The following GTF2F2 variants were observed in gnomAD, a reference collection of about 807,000 sequenced individuals.
The protein encoded by GTF2F2 is ATP-dependent helicase GTF2F2.
Under a neutral mutation model 42.2 loss-of-function variants are expected in GTF2F2, and 23 were observed. That is an observed-to-expected ratio of 0.55 (90% confidence interval 0.39 to 0.77). GTF2F2 has a LOEUF of 0.77. Among genes scored for constraint, GTF2F2 ranks in the 30% least tolerant of loss-of-function variants. GTF2F2 has a pLI of 0.00. For synonymous variants in GTF2F2, 105 were observed against 100.8 expected, an observed-to-expected ratio of 1.04 and a Z score of -0.25; for missense variants, 261 against 287.2, an observed-to-expected ratio of 0.91 and a Z score of 0.66.
intron 1 of GTF2F2, among the ~76,000 whole-genome samples, chr13:45,129,357 A>G (rs754268286): frequency 2.6e-4 from 39 of 152,050 alleles, no homozygotes; most frequent in Non-Finnish European, 5.1e-4. Context: ...CTACAGGCAC[A>G]CACCACCATG....
chr13:45,193,729 T>C, intron 4 of GTF2F2: 1 of 1,487,248 alleles, frequency 6.7e-7, no homozygotes. Flanking sequence ...TCTTTGATGC[T>C]GTGGTTTTCC....
At chr13:45,199,213 C>A (rs552978058) in intron 4 of GTF2F2, among the ~76,000 whole-genome samples, 2 of 152,154 alleles carry the variant, frequency 1.3e-5, no homozygotes, top group East Asian at 3.9e-4. Context: ...TGTTGAACTG[C>A]GTCTTCAAGG....
chr13:45,146,950 G>A (rs1870224244), intron 2 of GTF2F2, among the ~76,000 whole-genome samples: 1 of 152,182 alleles, frequency 6.6e-6, no homozygotes, highest in African/African-American at 2.4e-5. Context: ...CACACACCAA[G>A]ACAAGGGAAT....
chr13:45,248,458 GTTTTGTTTTTTTGGT>G (rs978674419), intron 5 of GTF2F2, among the ~76,000 whole-genome samples: 2 of 151,478 alleles, frequency 1.3e-5, no homozygotes, highest in Non-Finnish European at 1.5e-5. Context: ...GTTTTTGTGT[GTTTTGTTTTTTTGGT>G]TTTTGTTTTT....
intron 7 of GTF2F2, among the ~76,000 whole-genome samples, chr13:45,269,047 T>G (rs1452923573): frequency 6.6e-6 from 1 of 152,174 alleles, no homozygotes; most frequent in Non-Finnish European, 1.5e-5. Context: ...GGGGAACATA[T>G]CATCCATAGT....
chr13:45,250,877 A>G (rs762315827), intron 5 of GTF2F2, among the ~76,000 whole-genome samples: 85 of 152,198 alleles, frequency 5.6e-4, no homozygotes, highest in Admixed American at 3.3e-4. Flanking sequence ...ATCCTTGTTC[A>G]TAGAAACTCT....
intron 4 of GTF2F2, among the ~76,000 whole-genome samples, chr13:45,171,745 G>T (rs566398394): frequency 2.9e-4 from 44 of 152,130 alleles, no homozygotes; most frequent in African/African-American, 1.1e-3. Flanking sequence ...ACACCTATTT[G>T]TAGTCACCTG....
At chr13:45,201,247 C>G (rs1412811450) in intron 4 of GTF2F2, among the ~76,000 whole-genome samples, 1 of 152,200 alleles carries the variant, frequency 6.6e-6, no homozygotes, top group Non-Finnish European at 1.5e-5. Context: ...AGATATAGGG[C>G]AGGATAATCC....
At chr13:45,156,056 T>C (rs976239119) in intron 4 of GTF2F2, among the ~76,000 whole-genome samples, 1 of 152,180 alleles carries the variant, frequency 6.6e-6, no homozygotes, top group African/African-American at 2.4e-5. Flanking sequence ...CACCTCAGCC[T>C]CCTGAGTAGC....
At chr13:45,239,443 C>CA (rs1875168905) in intron 5 of GTF2F2, among the ~76,000 whole-genome samples, 1 of 152,202 alleles carries the variant, frequency 6.6e-6, no homozygotes, top group Non-Finnish European at 1.5e-5. Flanking sequence ...AGTGGATTGA[C>CA]AGTCTTACAG....
intron 5 of GTF2F2, among the ~76,000 whole-genome samples, chr13:45,245,312 T>G (rs1358269191): frequency 6.6e-6 from 1 of 152,006 alleles, no homozygotes; most frequent in Non-Finnish European, 1.5e-5. Context: ...TTTTTAATTT[T>G]TAGTAGGTTT....
chr13:45,233,266 AC>A (rs1386524020), intron 5 of GTF2F2, among the ~76,000 whole-genome samples: 4 of 152,202 alleles, frequency 2.6e-5, no homozygotes, highest in African/African-American at 4.8e-5. Flanking sequence ...ATATAAAAAA[AC>A]AATTTAAAAT....
chr13:45,193,368 T>G (rs921891872), intron 4 of GTF2F2: 2 of 155,876 alleles, frequency 1.3e-5, no homozygotes, highest in African/African-American at 4.8e-5. Context: ...CTCTGTAGAT[T>G]TTTGCCATAG....
chr13:45,224,561 A>G (rs955688230), intron 5 of GTF2F2, among the ~76,000 whole-genome samples: 1 of 152,242 alleles, frequency 6.6e-6, no homozygotes, highest in African/African-American at 2.4e-5. Context: ...GAAAATATGT[A>G]GAATATCTCA....
At chr13:45,208,525 G>A (rs1662934288) in intron 5 of GTF2F2, among the ~76,000 whole-genome samples, 1 of 152,158 alleles carries the variant, frequency 6.6e-6, no homozygotes, top group African/African-American at 2.4e-5. Flanking sequence ...AACAAAGCAG[G>A]CAAAAATCTC....
At chr13:45,190,488 T>C (rs528641201) in intron 4 of GTF2F2, among the ~76,000 whole-genome samples, 53 of 152,312 alleles carry the variant, frequency 3.5e-4, no homozygotes, top group South Asian at 1.0e-3. Flanking sequence ...CAGGTATACC[T>C]GGGCTTCAAA....
intron 6 of GTF2F2, among the ~76,000 whole-genome samples, chr13:45,265,396 C>G (rs1368347491): frequency 1.3e-5 from 2 of 152,034 alleles, no homozygotes; most frequent in Non-Finnish European, 2.9e-5. Flanking sequence ...TTAAAATGCT[C>G]AAGGCCCTCC....
chr13:45,223,238 T>C (rs1461753459), intron 5 of GTF2F2, among the ~76,000 whole-genome samples: 5 of 119,124 alleles, frequency 4.2e-5, no homozygotes, highest in Admixed American at 3.4e-4. Flanking sequence ...CCAGCCTAGG[T>C]AACAGAGGGA....
intron 4 of GTF2F2, among the ~76,000 whole-genome samples, chr13:45,183,174 A>G (rs568819334): frequency 6.6e-6 from 1 of 152,152 alleles, no homozygotes; most frequent in East Asian, 1.9e-4. Context: ...ACTGCAGGCA[A>G]ATTGCTTAAC....
Sources: allele counts gnomAD v4.1 joint callset (sites outside exome capture counted in the v4.1 genomes callset), GRCh38; gene constraint gnomAD v4.1.1; transcripts MANE v1.5; gene names NCBI Gene and HGNC (gene_info 2026-07-23, HGNC 2026-07-21).